DCHS2: variants seen among roughly 807,000 people sequenced by gnomAD.
DCHS2 encodes the protein protocadherin-23.
In DCHS2, 142 loss-of-function variants were observed where a neutral mutation model predicts 182.4. The ratio of observed to expected loss-of-function variants is 0.78; its 90% CI spans 0.68 to 0.89. The LOEUF (loss-of-function observed/expected upper bound fraction) is 0.89. Among genes scored for constraint, DCHS2 ranks in the 40% least tolerant of loss-of-function variants. The probability of loss-of-function intolerance (pLI) is 0.00; values close to 1 mark genes in which losing one functional copy is unlikely to be tolerated. For missense variants in DCHS2, 4,319 were observed against 4,198.6 expected (o/e 1.03, Z -0.79); for synonymous variants, 1,740 against 1,663.3 (o/e 1.05, Z -1.12).
intron 1 of DCHS2, among the ~76,000 whole-genome samples, chr4:154,386,716 TG>T (rs1731437534): frequency 6.6e-6 from 1 of 152,176 alleles, no homozygotes; most frequent in Non-Finnish European, 1.5e-5. Context: ...TAGAAATGTT[TG>T]TTGCATGAAT....
intron 1 of DCHS2, among the ~76,000 whole-genome samples, chr4:154,387,908 C>T (rs1731491147): frequency 6.6e-6 from 1 of 152,026 alleles, no homozygotes; most frequent in African/African-American, 2.4e-5. Flanking sequence ...AGATATTCAA[C>T]TTCACTTGTA....
chr4:154,351,845 G>T (rs978906051), intron 3 of DCHS2, among the ~76,000 whole-genome samples: 1 of 152,150 alleles, frequency 6.6e-6, no homozygotes, highest in Non-Finnish European at 1.5e-5. Context: ...ACCTCCCATT[G>T]TGTGGCCTGG....
intron 2 of DCHS2, among the ~76,000 whole-genome samples, chr4:154,376,445 A>C (rs998803612): frequency 1.5e-5 from 1 of 67,868 alleles, no homozygotes. Context: ...TAAGACAGCA[A>C]GTTACTATTA....
chr4:154,477,507 C>A (rs1474600406), intron 1 of DCHS2, among the ~76,000 whole-genome samples: 1 of 152,154 alleles, frequency 6.6e-6, no homozygotes, highest in Non-Finnish European at 1.5e-5. Context: ...GATAGAGAGG[C>A]AGGCAGAATG....
intron 3 of DCHS2, among the ~76,000 whole-genome samples, chr4:154,353,623 A>G (rs1310610911): frequency 6.6e-6 from 1 of 152,130 alleles, no homozygotes; most frequent in Non-Finnish European, 1.5e-5. Flanking sequence ...GTTATATTAC[A>G]GTTTTCTTTT....
At chr4:154,421,714 T>C (rs1453388808) in intron 1 of DCHS2, among the ~76,000 whole-genome samples, 1 of 152,220 alleles carries the variant, frequency 6.6e-6, no homozygotes, top group East Asian at 1.9e-4. Flanking sequence ...TTAAACACGC[T>C]TTCGTCTGCT....
intron 3 of DCHS2, among the ~76,000 whole-genome samples, chr4:154,344,867 G>T (rs939861337): frequency 2.0e-5 from 3 of 152,208 alleles, no homozygotes; most frequent in African/African-American, 7.2e-5. Context: ...TCACCATGGT[G>T]TGGCTGCTAT....
intron 1 of DCHS2, among the ~76,000 whole-genome samples, chr4:154,426,770 C>T (rs1435825306): frequency 6.7e-5 from 1 of 14,928 alleles, no homozygotes; most frequent in Admixed American, 3.0e-3. Flanking sequence ...TTTGTCTCTA[C>T]AAAATAAAAA....
intron 1 of DCHS2, among the ~76,000 whole-genome samples, chr4:154,414,487 C>CT (rs375818839): frequency 0.049 from 3,621 of 73,540 alleles, 105 homozygotes; most frequent in South Asian, 0.12. Flanking sequence ...ATACAGCTTT[C>CT]TTTTTTTTTT....
Position 154,320,749 on chromosome 4 carries a change from A to G in DCHS2, c.4650T>C (p.Ile1550=). 1 of 1,614,092 alleles carries G rather than the reference A, an allele frequency of 6.2e-7. No individual in the cohort carries two copies. The highest frequency in any genetic ancestry group is 8.5e-7 in the Non-Finnish European group (1 of 1,180,008). Residue 1550 remains isoleucine (I), a synonymous_variant, in exon 9 of 20, where the codon ATT becomes ATC. Coordinates refer to ENST00000357232, the MANE Select transcript of DCHS2 (RefSeq NM_001358235.2). ...SFLNSRIQYY[I]ESHNPGTNPF... ...GATTCGTGCCAGGGTTGTGGGATTC[A>G]ATGTAGTATTGTATTCTACTGTTCA...
At chr4:154,365,277 T>C (rs17301314) in intron 3 of DCHS2, among the ~76,000 whole-genome samples, 53,192 of 151,966 alleles carry the variant, frequency 0.35, 10,366 homozygotes, top group South Asian at 0.46. Context: ...TGTAAAAATG[T>C]CTTTGCACTA....
chr4:154,491,234 G>A lies in DCHS2; in HGVS notation c.122C>T (p.Ala41Val). ...CCAGAGCAGGGAGCGCTGCGTCCTG[G>A]CGCCGCTGCTGCCTGACCGCCCATG... The part of the protein sequence containing the change: ...TPHGRSGSSG[A>V]RTQRSLLWLL... Residue 41 changes from alanine (A) to valine (V), a missense_variant, in exon 1 of 20, where the codon GCC (alanine) becomes GTC (valine). By Grantham distance (64) the Ala-to-Val change is moderately conservative. Transcript: ENST00000357232. 6.4e-7 allele frequency: 1 copy of A among 1,551,450 alleles called. No homozygotes were observed. Among genetic ancestry groups the A allele is most frequent in the Non-Finnish European group, 8.7e-7 (1 of 1,146,982 alleles).
In DCHS2 at chr4:154,489,670, G is replaced by A. The variant is rs4696593; in HGVS notation, c.1686C>T (p.Ser562=). 846,860 of 1,551,340 alleles carry A rather than the reference G, an allele frequency of 0.55. 233,689 individuals carry two copies. Among genetic ancestry groups the A allele is most frequent in the East Asian group, 0.85 (34,915 of 40,848 alleles). ...AAPGTVVMWV[S]ASDADEAGSD... ...TGCCTGCCTCGTCGGCATCGGAGGC[G>A]CTGACCCACATGACTACAGTGCCAG... The change falls in exon 1 of 20, where the codon AGC becomes AGT. Residue 562 remains serine, a synonymous_variant. Coordinates refer to ENST00000357232, the MANE Select transcript of DCHS2 (RefSeq NM_001358235.2).
intron 16 of DCHS2, among the ~76,000 whole-genome samples, chr4:154,249,069 A>C (rs1229300202): frequency 1.3e-5 from 2 of 152,204 alleles, no homozygotes; most frequent in African/African-American, 4.8e-5. Context: ...TTGTAACAAA[A>C]AACAAAAATT....
Position 154,272,576 on chromosome 4 carries a change from G to C in DCHS2, c.6464-2563C>G, listed in dbSNP as rs547016451. Among the ~76,000 whole-genome samples, 6 of 152,154 alleles carry C rather than the reference G, an allele frequency of 3.9e-5. No homozygotes were observed. The South Asian group carries it at 1.2e-3, about 32-fold the overall frequency. On this transcript the variant is annotated intron_variant, in intron 13 of 19. Coordinates refer to ENST00000357232, the MANE Select transcript of DCHS2 (RefSeq NM_001358235.2). Reference sequence around the variant, plus strand: ...ATGGTTTTATAAGGCAGTTTTCCCTGCTCTTGCCCACTGTCTCTCACCTAC... The same window carrying C: ...ATGGTTTTATAAGGCAGTTTTCCCTCCTCTTGCCCACTGTCTCTCACCTAC...
intron 15 of DCHS2, among the ~76,000 whole-genome samples, chr4:154,258,858 T>C (rs1251164732): frequency 6.6e-6 from 1 of 152,224 alleles, no homozygotes; most frequent in Non-Finnish European, 1.5e-5. Context: ...TGACCCTCCC[T>C]GTGGCTAACT....
intron 16 of DCHS2, among the ~76,000 whole-genome samples, chr4:154,248,072 G>A (rs1732169415): frequency 6.6e-6 from 1 of 152,150 alleles, no homozygotes; most frequent in Admixed American, 6.5e-5. Context: ...GGCAGTTAGA[G>A]GATAAATTAG....
intron 16 of DCHS2, among the ~76,000 whole-genome samples, chr4:154,244,707 T>C (rs1300292738): frequency 6.6e-6 from 1 of 152,190 alleles, no homozygotes; most frequent in Non-Finnish European, 1.5e-5. Context: ...TTATCTACTA[T>C]TCATGAAGAA....
At chr4:154,273,257 C>T (rs761617283) in intron 13 of DCHS2, among the ~76,000 whole-genome samples, 1 of 151,996 alleles carries the variant, frequency 6.6e-6, no homozygotes, top group Non-Finnish European at 1.5e-5. Flanking sequence ...GCACACACAC[C>T]ATGGAATACC....
Sources: gnomAD v4.1 joint callset for allele counts (sites outside exome capture counted in the v4.1 genomes callset) on GRCh38, gnomAD v4.1.1 for gene constraint, MANE v1.5 for transcripts, NCBI Gene and HGNC (gene_info 2026-07-23, HGNC 2026-07-21) for gene names.